The following PRPSAP2 variants were observed in gnomAD, a reference collection of about 807,000 sequenced individuals.
PRPSAP2 encodes phosphoribosyl pyrophosphate synthetase associated protein 2, also known as phosphoribosyl pyrophosphate synthase-associated protein 2.
Under a neutral mutation model 40.6 loss-of-function variants are expected in PRPSAP2, and 24 were observed. The observed-to-expected ratio is 0.59, with a 90% CI of 0.43 to 0.83. The LOEUF (loss-of-function observed/expected upper bound fraction) is 0.83. Ranked by LOEUF, PRPSAP2 falls within the 40% of genes least tolerant of loss-of-function variation. The probability of loss-of-function intolerance (pLI) is 0.00; values close to 1 mark genes in which losing one functional copy is unlikely to be tolerated. For synonymous variants in PRPSAP2, 149 were observed against 164.7 expected, an observed-to-expected ratio of 0.90 and a Z score of 0.73; for missense variants, 292 against 465.6, an observed-to-expected ratio of 0.63 and a Z score of 3.43.
intron 8 of PRPSAP2, among the ~76,000 whole-genome samples, chr17:18,894,939 A>G (rs946635894): frequency 6.6e-6 from 1 of 152,232 alleles, no homozygotes; most frequent in Non-Finnish European, 1.5e-5. Flanking sequence ...GATTTGCATT[A>G]AATCTGTAGA....
chr17:18,878,285 A>G (rs1190820102), intron 6 of PRPSAP2, among the ~76,000 whole-genome samples: 1 of 152,168 alleles, frequency 6.6e-6, no homozygotes, highest in Non-Finnish European at 1.5e-5. Flanking sequence ...TGCAATCCCA[A>G]TGCTTTGGGA....
chr17:18,900,113 C>T (rs910515682), intron 8 of PRPSAP2, among the ~76,000 whole-genome samples: 1 of 151,834 alleles, frequency 6.6e-6, no homozygotes, highest in African/African-American at 2.4e-5. Flanking sequence ...TCTTGAACTT[C>T]TGACCTCGTG....
At chr17:18,922,282 C>G (rs921087711) in intron 9 of PRPSAP2, among the ~76,000 whole-genome samples, 1 of 152,172 alleles carries the variant, frequency 6.6e-6, no homozygotes, top group Non-Finnish European at 1.5e-5. Context: ...ATAGATGATT[C>G]ATTTCTCATG....
intron 7 of PRPSAP2, among the ~76,000 whole-genome samples, chr17:18,886,031 C>G (rs190350546): frequency 6.6e-6 from 1 of 152,236 alleles, no homozygotes; most frequent in African/African-American, 2.4e-5. Context: ...CCTGTATTGC[C>G]TTTTTATAGT....
At chr17:18,894,479 C>CTTTTTTTTTTTTTTTTTTTT (rs1201159228) in intron 8 of PRPSAP2, among the ~76,000 whole-genome samples, 1 of 120,580 alleles carries the variant, frequency 8.3e-6, no homozygotes, top group African/African-American at 3.3e-5. Context: ...TTTCAATAGT[C>CTTTTTTTTTTTTTTTTTTTT]TTTTTTTTTT....
At chr17:18,872,012 T>C (rs1597548497) in intron 4 of PRPSAP2, among the ~76,000 whole-genome samples, 2 of 152,084 alleles carry the variant, frequency 1.3e-5, no homozygotes, top group Admixed American at 1.3e-4. Context: ...AGCTCACACC[T>C]GTAATCCCAG....
chr17:18,896,580 C>CTTTTTTTTTT (rs58391876), intron 8 of PRPSAP2, among the ~76,000 whole-genome samples: 1 of 104,764 alleles, frequency 9.5e-6, no homozygotes, highest in Non-Finnish European at 1.8e-5. Context: ...CCAGATTTTC[C>CTTTTTTTTTT]TTTTTTTTTT....
chr17:18,912,178 T>G (rs1443425199), intron 9 of PRPSAP2, among the ~76,000 whole-genome samples: 1 of 148,142 alleles, frequency 6.8e-6, no homozygotes, highest in East Asian at 2.0e-4. Flanking sequence ...GTGAAACTCC[T>G]TCTCAGAAAA....
At chr17:18,898,571 C>T (rs150747936) in intron 8 of PRPSAP2, among the ~76,000 whole-genome samples, 25 of 152,252 alleles carry the variant, frequency 1.6e-4, no homozygotes, top group East Asian at 1.9e-4. Flanking sequence ...TCTGGAGTAA[C>T]GGTTCTTTTC....
chr17:18,914,248 G>GTTTTTTTTTTTTT (rs1567738744), intron 9 of PRPSAP2, among the ~76,000 whole-genome samples: 1 of 76,482 alleles, frequency 1.3e-5, no homozygotes, highest in African/African-American at 5.2e-5. Context: ...ACATGTTTTT[G>GTTTTTTTTTTTTT]CTTTTTTTTT....
In PRPSAP2 at chr17:18,923,371, G is replaced by C. The variant is rs1331971465; in HGVS notation, c.734-543G>C. Among the ~76,000 whole-genome samples, 6 of 151,854 alleles carry C rather than the reference G, an allele frequency of 4.0e-5. No individual in the cohort carries two copies. In the South Asian group the frequency reaches 8.3e-4, roughly 21 times the overall value. ...TCCGCCCGCCTCAGCCTCCCAAAGG[G>C]CTGGGATTACAGGCGTGAGCCACCA... On this transcript the variant is annotated intron_variant, in intron 9 of 11. Transcript: ENST00000268835.
chr17:18,923,169 A>C (rs543901246), intron 9 of PRPSAP2, among the ~76,000 whole-genome samples: 1 of 151,508 alleles, frequency 6.6e-6, no homozygotes, highest in South Asian at 2.1e-4. Flanking sequence ...GGCTCACTGC[A>C]AGCTCCACAT....
intron 7 of PRPSAP2, among the ~76,000 whole-genome samples, chr17:18,886,858 A>G (rs1301545205): frequency 6.6e-6 from 1 of 151,434 alleles, no homozygotes; most frequent in African/African-American, 2.4e-5. Flanking sequence ...TATTTGATTC[A>G]TGAATATCAA....
intron 8 of PRPSAP2, among the ~76,000 whole-genome samples, chr17:18,910,456 T>C: frequency 6.6e-6 from 1 of 152,170 alleles, no homozygotes; most frequent in East Asian, 1.9e-4. Context: ...GGCAACTTTA[T>C]GATTTCACTT....
intron 8 of PRPSAP2, among the ~76,000 whole-genome samples, chr17:18,902,192 A>G (rs2040309942): frequency 6.6e-6 from 1 of 151,896 alleles, no homozygotes; most frequent in Non-Finnish European, 1.5e-5. Flanking sequence ...TCCTCAGTTT[A>G]CTTCTGTCAC....
chr17:18,889,907 G>A, intron 8 of PRPSAP2, 30 bp downstream of exon 8: 1 of 1,597,820 alleles, frequency 6.3e-7, no homozygotes, highest in Non-Finnish European at 8.6e-7. Context: ...CCTCTTTCTG[G>A]ATCTACTTCT....
At chr17:18,901,937 A>G (rs1174171167) in intron 8 of PRPSAP2, among the ~76,000 whole-genome samples, 2 of 152,106 alleles carry the variant, frequency 1.3e-5, no homozygotes, top group Admixed American at 6.6e-5. Flanking sequence ...ATGTGCCACC[A>G]TGCCCAGCTG....
chr17:18,918,753 T>C (rs1033913410), intron 9 of PRPSAP2, among the ~76,000 whole-genome samples: 4 of 152,168 alleles, frequency 2.6e-5, no homozygotes, highest in Non-Finnish European at 1.5e-5. Flanking sequence ...ACTGGCTACA[T>C]GTGGCTCCTG....
intron 8 of PRPSAP2, among the ~76,000 whole-genome samples, chr17:18,899,722 C>T (rs970280580): frequency 1.3e-5 from 2 of 151,012 alleles, no homozygotes; most frequent in Admixed American, 6.6e-5. Context: ...TTGGTAGAGA[C>T]GGGGATTTTA....
Sources: gnomAD v4.1 joint callset for allele counts (sites outside exome capture counted in the v4.1 genomes callset) on GRCh38, gnomAD v4.1.1 for gene constraint, MANE v1.5 for transcripts, NCBI Gene and HGNC (gene_info 2026-07-23, HGNC 2026-07-21) for gene names.